CDH13: variants seen among roughly 807,000 people sequenced by gnomAD.
The protein encoded by CDH13 is cadherin-13.
CDH13 carries 24 observed loss-of-function variants against 63.8 expected under a neutral mutation model. The ratio of observed to expected loss-of-function variants is 0.38; its 90% CI spans 0.27 to 0.53. The LOEUF (loss-of-function observed/expected upper bound fraction) is 0.53, where lower values mean the gene tolerates loss of function less well. Ranked by LOEUF, CDH13 falls within the 20% of genes least tolerant of loss-of-function variation. The pLI, the probability that CDH13 is intolerant of heterozygous loss-of-function variation, is 0.85. For synonymous variants in CDH13, 503 were observed against 355.3 expected (o/e 1.42, Z -4.67); for missense variants, 1,049 against 903.1 (o/e 1.16, Z -2.07).
At chr16:82,670,592 G>T (rs2150942931) in intron 1 of CDH13, among the ~76,000 whole-genome samples, 1 of 152,290 alleles carries the variant, frequency 6.6e-6, no homozygotes, top group East Asian at 1.9e-4. Context: ...GACAGATGGG[G>T]CTATAATTAG....
rs543107958 is a variant in CDH13 at position 83,501,813 on chromosome 16, C to T, written c.960+15158C>T. On this transcript the variant is annotated intron_variant, in intron 7 of 13. Transcript: ENST00000567109. ...AATCTGACAGATGTCTCAAGGACAACTTTATCTTTTATCAGACTCATTTCA... is the reference window on the plus strand; with the variant it reads ...AATCTGACAGATGTCTCAAGGACAATTTTATCTTTTATCAGACTCATTTCA... 2.6e-5 allele frequency among the ~76,000 whole-genome samples: 4 copies of T among 152,320 alleles called. No individual in the cohort carries two copies. The East Asian group carries it at 7.7e-4, about 29-fold the overall frequency.
At chr16:83,494,804 G>A (rs2074097774) in intron 7 of CDH13, among the ~76,000 whole-genome samples, 1 of 152,132 alleles carries the variant, frequency 6.6e-6, no homozygotes, top group Non-Finnish European at 1.5e-5. Flanking sequence ...GTTTTAAGAG[G>A]TATCTCATTT....
chr16:82,975,858 C>G (rs1394800430), intron 2 of CDH13, among the ~76,000 whole-genome samples: 1 of 152,094 alleles, frequency 6.6e-6, no homozygotes, highest in East Asian at 1.9e-4. Context: ...ATGGGGGTTT[C>G]CTTTTAGGGC....
At position 83,001,615 on chromosome 16, in the gene CDH13, G is replaced by A. The variant is rs148943012; in HGVS notation, c.158-30395G>A. ...CAGTAGAGTTCTAAGGAGTTATCTG[G>A]CAGCCATGTTAATGGATGTGCCACT... On this transcript the variant is annotated intron_variant, in intron 2 of 13. Transcript: ENST00000567109. 5.0e-3 allele frequency among the ~76,000 whole-genome samples: 754 copies of A among 152,304 alleles called. 5 individuals carry two copies. Among genetic ancestry groups the A allele is most frequent in the African/African-American group, 0.017 (719 of 41,560 alleles).
At chr16:83,332,012 G>A (rs1333935658) in intron 5 of CDH13, among the ~76,000 whole-genome samples, 2 of 151,958 alleles carry the variant, frequency 1.3e-5, no homozygotes, top group Admixed American at 1.3e-4. Context: ...TTAACAAATT[G>A]CATTTCGGAA....
chr16:83,588,041 C>A (rs1906343070), intron 7 of CDH13, among the ~76,000 whole-genome samples: 1 of 152,228 alleles, frequency 6.6e-6, no homozygotes, highest in East Asian at 1.9e-4. Flanking sequence ...TCCCGTACAC[C>A]TGGAGATGTG....
intron 13 of CDH13, among the ~76,000 whole-genome samples, chr16:83,788,426 A>G (rs1351243997): frequency 6.6e-6 from 1 of 151,848 alleles, no homozygotes; most frequent in African/African-American, 2.4e-5. Flanking sequence ...ACATTCTGCT[A>G]CCAACACTCC....
At chr16:83,628,425 A>G (rs967863742) in intron 8 of CDH13, among the ~76,000 whole-genome samples, 1 of 151,990 alleles carries the variant, frequency 6.6e-6, no homozygotes, top group African/African-American at 2.4e-5. Context: ...TTTATTTTTT[A>G]TGTTTGTCAC....
chr16:82,722,804 T>C (rs966225493), intron 1 of CDH13, among the ~76,000 whole-genome samples: 7 of 152,196 alleles, frequency 4.6e-5, no homozygotes, highest in Admixed American at 1.3e-4. Flanking sequence ...GGGATGCAGA[T>C]ACATACATAT....
At chr16:83,459,165 T>C (rs1381954252) in intron 6 of CDH13, among the ~76,000 whole-genome samples, 1 of 152,222 alleles carries the variant, frequency 6.6e-6, no homozygotes, top group Non-Finnish European at 1.5e-5. Flanking sequence ...TCTAAGAACA[T>C]CTTAATGAAA....
At chr16:83,362,559 T>C (rs572923037) in intron 6 of CDH13, among the ~76,000 whole-genome samples, 1 of 152,024 alleles carries the variant, frequency 6.6e-6, no homozygotes, top group Non-Finnish European at 1.5e-5. Flanking sequence ...TCCCATTCCA[T>C]CCCCCCAGTG....
chr16:83,025,672 C>T (rs189076128), intron 2 of CDH13, among the ~76,000 whole-genome samples: 1 of 152,266 alleles, frequency 6.6e-6, no homozygotes, highest in Non-Finnish European at 1.5e-5. Flanking sequence ...GGCTCCTACA[C>T]ACAAGCCAGG....
At chr16:83,235,939 A>T (rs1204644170) in intron 5 of CDH13, among the ~76,000 whole-genome samples, 1 of 152,160 alleles carries the variant, frequency 6.6e-6, no homozygotes, top group Admixed American at 6.5e-5. Flanking sequence ...ATTGTGCTGT[A>T]AGTTTTGAGT....
At chr16:83,191,984 AGC>A (rs2038731412) in intron 4 of CDH13, among the ~76,000 whole-genome samples, 1 of 152,098 alleles carries the variant, frequency 6.6e-6, no homozygotes, top group Non-Finnish European at 1.5e-5. Flanking sequence ...AAAAAGAGAG[AGC>A]AAAAGCATGT....
intron 1 of CDH13, among the ~76,000 whole-genome samples, chr16:82,736,585 C>T (rs2033685060): frequency 6.6e-6 from 1 of 152,182 alleles, no homozygotes; most frequent in Non-Finnish European, 1.5e-5. Context: ...CCACTAAATA[C>T]TTGTTAAGGT....
intron 1 of CDH13, among the ~76,000 whole-genome samples, chr16:82,653,417 G>A (rs534043290): frequency 3.2e-4 from 48 of 152,208 alleles, no homozygotes; most frequent in Admixed American, 1.9e-3. Flanking sequence ...GAGGAGAACA[G>A]AGAGAGGGAC....
In CDH13 at chr16:82,941,410, C is replaced by T. The variant is rs775338233; in HGVS notation, c.157+82937C>T. ...CTGGAATTTCACGGGGGTGGGTGCTCACCTACCAAAGGTCCCCTCCTAGCT... is the reference window on the plus strand; with the variant it reads ...CTGGAATTTCACGGGGGTGGGTGCTTACCTACCAAAGGTCCCCTCCTAGCT... On this transcript the variant is annotated intron_variant, in intron 2 of 13. Transcript: ENST00000567109. 4.6e-5 allele frequency among the ~76,000 whole-genome samples: 7 copies of T among 152,280 alleles called. 1 individual carries two copies. Among genetic ancestry groups the T allele is most frequent in the Middle Eastern group, 6.8e-3 (2 of 294 alleles).
intron 2 of CDH13, among the ~76,000 whole-genome samples, chr16:82,860,396 G>T (rs978605576): frequency 7.6e-6 from 1 of 132,252 alleles, no homozygotes; most frequent in African/African-American, 2.8e-5. Flanking sequence ...TGTGGGGGGG[G>T]GGGCGGCGGT....
chr16:83,676,320 G>T (rs1382413571), intron 9 of CDH13, among the ~76,000 whole-genome samples: 1 of 152,180 alleles, frequency 6.6e-6, no homozygotes, highest in Admixed American at 6.5e-5. Context: ...TGCTGGTGTG[G>T]GGTGGAAATG....
Sources: allele counts gnomAD v4.1 joint callset (sites outside exome capture counted in the v4.1 genomes callset), GRCh38; gene constraint gnomAD v4.1.1; transcripts MANE v1.5; gene names NCBI Gene and HGNC (gene_info 2026-07-23, HGNC 2026-07-21).